MTMR10: variants seen among roughly 807,000 people sequenced by gnomAD.
MTMR10 encodes the protein myotubularin-related protein 10.
A neutral mutation model predicts 88.1 loss-of-function variants in MTMR10; 56 were observed. The observed-to-expected ratio is 0.64, with a 90% CI of 0.51 to 0.79. The LOEUF is 0.79. MTMR10 is among the 30% of genes least tolerant of loss of function. The pLI is 0.00. For synonymous variants in MTMR10, 380 were observed against 340.9 expected, an observed-to-expected ratio of 1.11 and a Z score of -1.26; for missense variants, 883 against 924.7, an observed-to-expected ratio of 0.95 and a Z score of 0.58.
chr15:30,979,595 T>G (rs970651798), intron 2 of MTMR10, among the ~76,000 whole-genome samples: 3 of 151,842 alleles, frequency 2.0e-5, no homozygotes, highest in Non-Finnish European at 4.4e-5. Flanking sequence ...AACTACCATA[T>G]GATTTCAGGT....
At chr15:30,979,293 G>A (rs1293786720) in intron 2 of MTMR10, among the ~76,000 whole-genome samples, 3 of 152,142 alleles carry the variant, frequency 2.0e-5, no homozygotes, top group African/African-American at 4.8e-5. Context: ...AAGGCTGGGC[G>A]TGGTGGCTCA....
At chr15:30,926,394 G>A in the MTMR10 span, 1 of 165,376 alleles carries the variant, frequency 6.0e-6, no homozygotes, top group African/African-American at 2.4e-5. Context: ...GGCCTGGCAG[G>A]ACTCTCCCTG....
Position 30,966,858 on chromosome 15 carries a change from CTTTT to C in MTMR10, c.565+1058_565+1061del, listed in dbSNP as rs76851097. Among the ~76,000 whole-genome samples the C allele has an allele frequency of 3.6e-4, 47 of 131,062 alleles. No individual in the cohort carries two copies. In the South Asian group the frequency reaches 0.01, roughly 28 times the overall value. 86.0% of individuals were successfully genotyped at this position (131,062 alleles called of 152,430 possible). On this transcript the variant is annotated intron_variant, in intron 6 of 15. Transcript: ENST00000435680. Reference sequence around the variant, plus strand: ...TCATATATTATCTCTACTGTATTTTCTTTTTTTTTTTTTTTTGGTCCTCTCAGTG... The same window carrying C: ...TCATATATTATCTCTACTGTATTTTCTTTTTTTTTTTTGGTCCTCTCAGTG...
the MTMR10 span, chr15:30,926,083 ATTC>A: frequency 2.5e-6 from 2 of 794,534 alleles, no homozygotes; most frequent in South Asian, 3.4e-5. Flanking sequence ...ATGTCTTCCT[ATTC>A]TTCCCCTTAT....
chr15:30,966,562 T>A (rs2063474374), intron 6 of MTMR10, among the ~76,000 whole-genome samples: 1 of 152,166 alleles, frequency 6.6e-6, no homozygotes, highest in African/African-American at 2.4e-5. Flanking sequence ...TGGGTGAGGA[T>A]CTTATTGAAG....
chr15:30,972,636 T>C (rs900779991), intron 5 of MTMR10, among the ~76,000 whole-genome samples: 2 of 152,180 alleles, frequency 1.3e-5, no homozygotes, highest in Admixed American at 6.5e-5. Flanking sequence ...ATTTGTGTAG[T>C]TGATTTTATG....
intron 13 of MTMR10, 24 bp from the exon 14 acceptor site, chr15:30,947,324 G>A: frequency 6.2e-7 from 1 of 1,606,600 alleles, no homozygotes; most frequent in Non-Finnish European, 8.5e-7. Flanking sequence ...AGAGACAATG[G>A]GATCATTTAA....
rs1322721327 is a variant in MTMR10 at position 30,941,854 on chromosome 15, A to G, written c.1950T>C (p.Ser650=). 1.2e-5 allele frequency: 19 copies of G among 1,613,940 alleles called. No individual in the cohort carries two copies. The highest frequency in any genetic ancestry group is 1.6e-4 in the Middle Eastern group (1 of 6,084). ...GTTTCCACAGTTTTATGTGTGTTCC[A>G]GAGACACGTGGCAGAATAACACCGT... ...NLHGVILPRV[S]GTHIKLWKLC... The change falls in exon 16 of 16, where the codon TCT becomes TCC. Residue 650 remains serine, a synonymous_variant. Coordinates refer to ENST00000435680, the MANE Select transcript of MTMR10 (RefSeq NM_017762.3).
rs575341315 is a variant in MTMR10, at chr15:30,984,606, G to A, written c.121+6171C>T. Among the ~76,000 whole-genome samples, 12 of 152,266 alleles carry A rather than the reference G, an allele frequency of 7.9e-5. No individual in the cohort carries two copies. In the East Asian group the frequency reaches 2.3e-3, roughly 29 times the overall value. Reference sequence around the variant, plus strand: ...AAGAACAGTACGGGCCAGTGAGCTTGTAAAAAATAAACAAGACATCTATAC... The same window carrying A: ...AAGAACAGTACGGGCCAGTGAGCTTATAAAAAATAAACAAGACATCTATAC... On this transcript the variant is annotated intron_variant, in intron 2 of 15. Coordinates refer to ENST00000435680, the MANE Select transcript of MTMR10 (RefSeq NM_017762.3).
At chr15:30,978,810 A>G (rs2030347301) in intron 2 of MTMR10, among the ~76,000 whole-genome samples, 1 of 152,238 alleles carries the variant, frequency 6.6e-6, no homozygotes, top group African/African-American at 2.4e-5. Flanking sequence ...AATTAAATGT[A>G]CTGCAGTGTA....
At chr15:30,964,400 T>C (rs748607517) in intron 6 of MTMR10, among the ~76,000 whole-genome samples, 1 of 152,240 alleles carries the variant, frequency 6.6e-6, no homozygotes, top group Non-Finnish European at 1.5e-5. Flanking sequence ...ACACAAATTT[T>C]TCTAAACGTA....
the MTMR10 span, chr15:30,925,843 G>A: frequency 1.1e-5 from 18 of 1,614,256 alleles, no homozygotes; most frequent in Non-Finnish European, 1.5e-5. Context: ...GTCTGTGTTT[G>A]TGATGGAGGC....
chr15:30,975,649 T>C (rs1037271802), intron 3 of MTMR10, among the ~76,000 whole-genome samples: 2 of 152,204 alleles, frequency 1.3e-5, no homozygotes, highest in African/African-American at 4.8e-5. Context: ...TATCTTTAAG[T>C]GCCTTAAATT....
Position 30,979,784 on chromosome 15 carries a change from C to G in MTMR10, c.122-2829G>C, listed in dbSNP as rs79580946. On this transcript the variant is annotated intron_variant, in intron 2 of 15. Transcript: ENST00000435680. Reference sequence around the variant, plus strand: ...GATGCACGAATGTTAACGTATCAAGCCTATGAACGCAGTGAGAATGAGACA... The same window carrying G: ...GATGCACGAATGTTAACGTATCAAGGCTATGAACGCAGTGAGAATGAGACA... Among the ~76,000 whole-genome samples the G allele has an allele frequency of 8.2e-3, 1,248 of 152,318 alleles. 15 individuals carry two copies. Among genetic ancestry groups the G allele is most frequent in the African/African-American group, 0.028 (1,183 of 41,574 alleles).
chr15:30,922,202 T>G, the MTMR10 span: 1 of 1,595,132 alleles, frequency 6.3e-7, no homozygotes, highest in Non-Finnish European at 8.5e-7. Flanking sequence ...TTTTTGTGAA[T>G]CTAATGAGGT....
chr15:30,982,672 T>C (rs1379612088), intron 2 of MTMR10, among the ~76,000 whole-genome samples: 1 of 152,198 alleles, frequency 6.6e-6, no homozygotes, highest in African/African-American at 2.4e-5. Flanking sequence ...ATGCTACAAT[T>C]GGGTCTTCCT....
rs2063019144 is a variant in MTMR10, at chr15:30,940,779, A to AATT, written c.*688_*690dup. On this transcript the variant is annotated 3_prime_UTR_variant, in exon 16 of 16. Coordinates refer to ENST00000435680, the MANE Select transcript of MTMR10 (RefSeq NM_017762.3). ...TTCCCACCCCAATTTTAAAAAGTGA[A>AATT]ATTATATTTTCTTCTGTAATATTTG... 14 of 987,036 alleles carry AATT rather than the reference A, an allele frequency of 1.4e-5. No homozygotes were observed. In the South Asian group the frequency reaches 5.6e-4, roughly 40 times the overall value. 61.1% of individuals were successfully genotyped at this position (987,036 alleles called of 1,614,324 possible).
Position 30,939,851 on chromosome 15 carries a change from G to T in MTMR10, c.*1619C>A, listed in dbSNP as rs1336868429. The T allele has an allele frequency of 2.0e-6, 2 of 985,092 alleles. No homozygotes were observed. Among genetic ancestry groups the T allele is most frequent in the Non-Finnish European group, 2.4e-6 (2 of 829,722 alleles). 61.0% of individuals were successfully genotyped at this position (985,092 alleles called of 1,614,324 possible). A position where few individuals can be genotyped will look rare whatever the true frequency, so the allele number is the denominator to read the frequency against. On this transcript the variant is annotated 3_prime_UTR_variant, in exon 16 of 16. Transcript: ENST00000435680. ...TGTAAAATGTTTAATAATTCTATTT[G>T]TATAAACTGAAACTAGCCCTTATTT... is the stretch of plus-strand genomic sequence containing the variant.
downstream of MTMR10, chr15:30,937,119 C>T (rs763025727): frequency 2.1e-5 from 33 of 1,604,984 alleles, 1 homozygote; most frequent in South Asian, 3.7e-4. Context: ...TCTTTTCCAG[C>T]TGGTGGAAGT....
Sources: allele counts gnomAD v4.1 joint callset (sites outside exome capture counted in the v4.1 genomes callset), GRCh38; gene constraint gnomAD v4.1.1; transcripts MANE v1.5; gene names NCBI Gene and HGNC (gene_info 2026-07-23, HGNC 2026-07-21).